PSD3: variants seen among roughly 807,000 people sequenced by gnomAD.
PSD3 encodes pleckstrin and Sec7 domain containing 3.
In PSD3, 49 loss-of-function variants were observed where a neutral mutation model predicts 105.5. That is an observed-to-expected ratio of 0.46 (90% CI 0.37 to 0.59). PSD3 has a LOEUF of 0.59. PSD3 is among the 20% of genes least tolerant of loss of function. The pLI is 0.00. For missense variants in PSD3, 1,561 were observed against 1,263.8 expected (o/e 1.24, Z -3.57); for synonymous variants, 557 against 457.8 (o/e 1.22, Z -2.77).
At chr8:18,802,372 G>GAA in intron 6 of PSD3, 2 of 404,656 alleles carry the variant, frequency 4.9e-6, no homozygotes, top group Non-Finnish European at 5.0e-6. Flanking sequence ...AGATGGGAAG[G>GAA]AAAAAAAAAA....
chr8:18,721,970 G>C (rs1803006269), intron 9 of PSD3, among the ~76,000 whole-genome samples: 2 of 152,084 alleles, frequency 1.3e-5, no homozygotes, highest in Non-Finnish European at 2.9e-5. Context: ...GTAATTTAAA[G>C]TGTGATGACT....
chr8:18,665,346 T>C (rs560377006), intron 9 of PSD3, among the ~76,000 whole-genome samples: 2 of 152,356 alleles, frequency 1.3e-5, no homozygotes, highest in East Asian at 3.9e-4. Context: ...GTTTGAGACT[T>C]CAGCAGAGGA....
intron 9 of PSD3, among the ~76,000 whole-genome samples, chr8:18,676,590 T>C (rs965648135): frequency 2.0e-5 from 3 of 152,160 alleles, no homozygotes; most frequent in Non-Finnish European, 4.4e-5. Flanking sequence ...GAGTAGGAAA[T>C]GCCGAACAAT....
intron 1 of PSD3, among the ~76,000 whole-genome samples, chr8:19,046,278 A>G (rs1828314908): frequency 6.6e-6 from 1 of 151,958 alleles, no homozygotes; most frequent in African/African-American, 2.4e-5. Flanking sequence ...CACCTGGGTA[A>G]TTTTTGTATT....
intron 1 of PSD3, among the ~76,000 whole-genome samples, chr8:19,073,895 A>G (rs1001225511): frequency 1.4e-3 from 210 of 150,924 alleles, no homozygotes; most frequent in Non-Finnish European, 2.7e-3. Flanking sequence ...GGTTCACGCC[A>G]TTCTGCCGCC....
chr8:19,066,784 C>G (rs556241502), intron 1 of PSD3, among the ~76,000 whole-genome samples: 1 of 152,278 alleles, frequency 6.6e-6, no homozygotes, highest in Non-Finnish European at 1.5e-5. Context: ...GCCCACCCAC[C>G]CATAATAAAT....
chr8:18,659,421 G>A (rs184001308), intron 9 of PSD3, among the ~76,000 whole-genome samples: 3 of 152,096 alleles, frequency 2.0e-5, no homozygotes, highest in Admixed American at 1.3e-4. Flanking sequence ...ATGAAACAAA[G>A]GTTTCCTTAT....
At chr8:18,952,924 A>T (rs1233137565) in intron 1 of PSD3, among the ~76,000 whole-genome samples, 1 of 152,190 alleles carries the variant, frequency 6.6e-6, no homozygotes, top group Admixed American at 6.5e-5. Flanking sequence ...AGTAAAAACA[A>T]ATGATAAAAG....
At position 18,675,765 on chromosome 8, in the gene PSD3, A is replaced by G. The variant is rs147851507; in HGVS notation, c.2173-20080T>C. 6.2e-4 allele frequency among the ~76,000 whole-genome samples: 95 copies of G among 152,342 alleles called. No homozygotes were observed. In the East Asian group the frequency reaches 0.016, roughly 25 times the overall value. On this transcript the variant is annotated intron_variant, in intron 9 of 15. Coordinates refer to ENST00000327040, the MANE Select transcript of PSD3 (RefSeq NM_015310.4). ...GCAAAGCTTAAAAATCTTAATTAAA[A>G]TTAATGTTAGAAGAGCAACTTCCAT...
chr8:18,541,520 AC>A (rs1800148848), intron 15 of PSD3, among the ~76,000 whole-genome samples: 1 of 151,966 alleles, frequency 6.6e-6, no homozygotes, highest in Admixed American at 6.6e-5. Context: ...CTAAGGTCTG[AC>A]CCTGTCAGTA....
chr8:18,753,302 C>G (rs1318312241), intron 9 of PSD3, among the ~76,000 whole-genome samples: 1 of 151,134 alleles, frequency 6.6e-6, no homozygotes, highest in Admixed American at 6.6e-5. Context: ...TGCAGTGAGC[C>G]GAGATCATGC....
intron 9 of PSD3, among the ~76,000 whole-genome samples, chr8:18,674,298 G>A (rs1170583543): frequency 6.6e-6 from 1 of 152,172 alleles, no homozygotes; most frequent in Admixed American, 6.5e-5. Context: ...CCAGTTCCTG[G>A]GCCTTCCCTG....
At chr8:18,979,031 C>A (rs1419104208) in intron 1 of PSD3, among the ~76,000 whole-genome samples, 1 of 151,990 alleles carries the variant, frequency 6.6e-6, no homozygotes, top group Non-Finnish European at 1.5e-5. Context: ...CACTATAATC[C>A]CTTTACCACT....
At chr8:18,706,160 G>A (rs770226696) in intron 9 of PSD3, among the ~76,000 whole-genome samples, 1 of 152,276 alleles carries the variant, frequency 6.6e-6, no homozygotes, top group East Asian at 1.9e-4. Flanking sequence ...ACGAGAAGAC[G>A]CTTAGAGCAG....
At chr8:18,909,507 C>T (rs562057083) in intron 2 of PSD3, among the ~76,000 whole-genome samples, 8 of 152,124 alleles carry the variant, frequency 5.3e-5, no homozygotes, top group Admixed American at 5.2e-4. Flanking sequence ...TAAGAGGAAG[C>T]CTTGCCCTGT....
chr8:18,665,897 C>T lies in PSD3; in HGVS notation c.2173-10212G>A, dbSNP rs141734276. Among the ~76,000 whole-genome samples, 880 of 152,262 alleles carry T rather than the reference C, an allele frequency of 5.8e-3. 8 individuals are homozygous for T. Among genetic ancestry groups the T allele is most frequent in the Non-Finnish European group, 9.3e-3 (631 of 68,018 alleles). On this transcript the variant is annotated intron_variant, in intron 9 of 15. Coordinates refer to ENST00000327040, the MANE Select transcript of PSD3 (RefSeq NM_015310.4). ...AATGATGCAGCAAGCTTAATTACTG[C>T]CTTTTCAGAAATTGCCACAGTCATA... is the stretch of plus-strand genomic sequence containing the variant.
At chr8:18,703,112 T>C (rs566417517) in intron 9 of PSD3, among the ~76,000 whole-genome samples, 234 of 152,244 alleles carry the variant, frequency 1.5e-3, no homozygotes, top group African/African-American at 5.2e-3. Flanking sequence ...CTGAAGGAAA[T>C]GTCTTAACTT....
intron 1 of PSD3, among the ~76,000 whole-genome samples, chr8:18,957,849 G>C (rs1331658322): frequency 6.6e-6 from 1 of 152,176 alleles, no homozygotes; most frequent in Non-Finnish European, 1.5e-5. Flanking sequence ...GCATGACTGA[G>C]ACTTCAAATG....
chr8:18,621,540 T>C (rs537564122), intron 11 of PSD3, among the ~76,000 whole-genome samples: 1 of 152,218 alleles, frequency 6.6e-6, no homozygotes, highest in Non-Finnish European at 1.5e-5. Flanking sequence ...CTTAATCTTT[T>C]AGTCTAAATT....
Sources: gnomAD v4.1 joint callset for allele counts (sites outside exome capture counted in the v4.1 genomes callset) on GRCh38, gnomAD v4.1.1 for gene constraint, MANE v1.5 for transcripts, NCBI Gene and HGNC (gene_info 2026-07-23, HGNC 2026-07-21) for gene names.